The following NRXN1 variants were observed in gnomAD, a reference collection of about 807,000 sequenced individuals.
The protein encoded by NRXN1 is neurexin-1.
NRXN1 carries 39 observed loss-of-function variants against 150.9 expected under a neutral mutation model. The ratio of observed to expected loss-of-function variants is 0.26; its 90% CI spans 0.20 to 0.34. The LOEUF (loss-of-function observed/expected upper bound fraction) is 0.34. Among genes scored for constraint, NRXN1 ranks in the 10% least tolerant of loss-of-function variants. The probability of loss-of-function intolerance (pLI) is 1.00; values close to 1 mark genes in which losing one functional copy is unlikely to be tolerated. For missense variants in NRXN1, 1,815 were observed against 1,949.9 expected, an observed-to-expected ratio of 0.93 and a Z score of 1.30; for synonymous variants, 924 against 757.0, an observed-to-expected ratio of 1.22 and a Z score of -3.62.
chr2:50,336,812 C>T (rs1055469486), intron 17 of NRXN1, among the ~76,000 whole-genome samples: 3 of 152,026 alleles, frequency 2.0e-5, no homozygotes, highest in Admixed American at 1.3e-4. Flanking sequence ...GATGAGGAAG[C>T]GAAGCACAAG....
chr2:50,835,056 T>C (rs1671922635), intron 5 of NRXN1, among the ~76,000 whole-genome samples: 1 of 152,162 alleles, frequency 6.6e-6, no homozygotes, highest in African/African-American at 2.4e-5. Flanking sequence ...TTTCTGAGAA[T>C]AATATAGACA....
At chr2:50,978,087 T>G (rs1231627549) in intron 2 of NRXN1, among the ~76,000 whole-genome samples, 1 of 151,094 alleles carries the variant, frequency 6.6e-6, no homozygotes, top group East Asian at 2.0e-4. Flanking sequence ...ACTACAGTGA[T>G]CTATACATTT....
At chr2:50,267,953 G>C (rs2069095821) in intron 17 of NRXN1, among the ~76,000 whole-genome samples, 1 of 152,102 alleles carries the variant, frequency 6.6e-6, no homozygotes, top group African/African-American at 2.4e-5. Context: ...AATTTGGGAG[G>C]CAGAGGCAGG....
chr2:50,992,502 T>G (rs565555752), intron 2 of NRXN1, among the ~76,000 whole-genome samples: 2 of 147,344 alleles, frequency 1.4e-5, no homozygotes, highest in South Asian at 4.3e-4. Flanking sequence ...GGCTCCAAAA[T>G]AGGTTTAGTG....
chr2:50,144,227 T>A (rs1164323325), intron 18 of NRXN1, among the ~76,000 whole-genome samples: 1 of 151,890 alleles, frequency 6.6e-6, no homozygotes, highest in Non-Finnish European at 1.5e-5. Context: ...ACAGTAGCAA[T>A]GAGGCCACAC....
At chr2:50,474,337 TAA>T (rs954467893) in intron 15 of NRXN1, among the ~76,000 whole-genome samples, 2 of 151,742 alleles carry the variant, frequency 1.3e-5, no homozygotes, top group Non-Finnish European at 2.9e-5. Context: ...GGAGTTTACA[TAA>T]GAAAAGTAAA....
At chr2:49,980,112 T>C (rs1326149996) in intron 21 of NRXN1, among the ~76,000 whole-genome samples, 2 of 152,168 alleles carry the variant, frequency 1.3e-5, no homozygotes, top group African/African-American at 4.8e-5. Context: ...ATAACATATA[T>C]ATCCATGAAG....
chr2:50,432,209 AG>A (rs2085028495), intron 17 of NRXN1: 1 of 152,144 alleles, frequency 6.6e-6, no homozygotes, highest in African/African-American at 2.4e-5. Flanking sequence ...CTCCCCTAGA[AG>A]GGCTTCTTTT....
intron 2 of NRXN1, among the ~76,000 whole-genome samples, chr2:51,007,224 G>C (rs1667154762): frequency 6.6e-6 from 1 of 151,714 alleles, no homozygotes; most frequent in Non-Finnish European, 1.5e-5. Flanking sequence ...ATAATTATCA[G>C]AAGATTAATG....
At position 50,143,851 on chromosome 2, in the gene NRXN1, G is replaced by A. The variant is rs147210672; in HGVS notation, c.3547-52357C>T. 2.1e-4 allele frequency among the ~76,000 whole-genome samples: 32 copies of A among 151,878 alleles called. No homozygotes were observed. In the East Asian group the frequency reaches 5.4e-3, roughly 26 times the overall value. ...TCAGTGATTTTTTAATGGATTTACTGATTAAGCTTCAAAGGCATTTCCAAC... is the reference window on the plus strand; with the variant it reads ...TCAGTGATTTTTTAATGGATTTACTAATTAAGCTTCAAAGGCATTTCCAAC... On this transcript the variant is annotated intron_variant, in intron 18 of 22. Coordinates refer to ENST00000401669, the MANE Select transcript of NRXN1 (RefSeq NM_001330078.2).
intron 21 of NRXN1, among the ~76,000 whole-genome samples, chr2:50,046,920 T>C (rs1691898929): frequency 6.6e-6 from 1 of 152,172 alleles, no homozygotes; most frequent in African/African-American, 2.4e-5. Flanking sequence ...TAATACATGA[T>C]ACAAAACTCA....
intron 8 of NRXN1, among the ~76,000 whole-genome samples, chr2:50,597,206 C>G (rs1675386457): frequency 6.6e-6 from 1 of 152,094 alleles, no homozygotes; most frequent in African/African-American, 2.4e-5. Flanking sequence ...GGACATGGCT[C>G]TGTCTTAGGC....
chr2:50,965,902 T>G (rs1012557485), intron 2 of NRXN1, among the ~76,000 whole-genome samples: 27 of 151,570 alleles, frequency 1.8e-4, no homozygotes, highest in African/African-American at 6.5e-4. Context: ...GTTTTATGTA[T>G]TTATATTAAA....
At chr2:50,360,293 C>T (rs777034254) in intron 17 of NRXN1, among the ~76,000 whole-genome samples, 8 of 152,116 alleles carry the variant, frequency 5.3e-5, no homozygotes, top group South Asian at 4.1e-4. Flanking sequence ...GGCCAAATGC[C>T]CAAATCGAAA....
At chr2:50,234,789 C>T (rs1211996164) in intron 18 of NRXN1, among the ~76,000 whole-genome samples, 1 of 151,846 alleles carries the variant, frequency 6.6e-6, no homozygotes, top group African/African-American at 2.4e-5. Flanking sequence ...AAGAGAACGA[C>T]CAGGCAAGAC....
chr2:50,929,001 T>A (rs149796917), intron 2 of NRXN1, among the ~76,000 whole-genome samples: 1 of 152,068 alleles, frequency 6.6e-6, no homozygotes, highest in African/African-American at 2.4e-5. Flanking sequence ...TCAGATAGGA[T>A]GGGCTTCTCT....
chr2:50,816,043 A>G (rs1294772199), intron 5 of NRXN1, among the ~76,000 whole-genome samples: 1 of 152,200 alleles, frequency 6.6e-6, no homozygotes, highest in Non-Finnish European at 1.5e-5. Context: ...AAGTATAATT[A>G]GTGCAACCAA....
At chr2:50,428,223 G>C (rs2104339597) in intron 17 of NRXN1, among the ~76,000 whole-genome samples, 1 of 152,136 alleles carries the variant, frequency 6.6e-6, no homozygotes, top group Admixed American at 6.5e-5. Flanking sequence ...AGACCACCTG[G>C]GCAACACAGC....
chr2:50,270,673 G>GTTT (rs34114256), intron 17 of NRXN1, among the ~76,000 whole-genome samples: 2 of 143,732 alleles, frequency 1.4e-5, no homozygotes, highest in Non-Finnish European at 3.1e-5. Flanking sequence ...TATAGATATA[G>GTTT]TTTTTTTTTT....
Sources: gnomAD v4.1 joint callset for allele counts (sites outside exome capture counted in the v4.1 genomes callset) on GRCh38, gnomAD v4.1.1 for gene constraint, MANE v1.5 for transcripts, NCBI Gene and HGNC (gene_info 2026-07-23, HGNC 2026-07-21) for gene names.